Variants in N4BP2L2 observed in about 807,000 individuals in gnomAD.
The protein encoded by N4BP2L2 is NEDD4 binding protein 2 like 2.
N4BP2L2 carries 50 observed loss-of-function variants against 56.2 expected under a neutral mutation model. That is an observed-to-expected ratio of 0.89 (90% confidence interval 0.71 to 1.13). The LOEUF (loss-of-function observed/expected upper bound fraction) is 1.13. N4BP2L2 is among the 50% of genes most tolerant of loss of function. N4BP2L2 has a pLI of 0.00. For missense variants in N4BP2L2, 689 were observed against 693.8 expected (o/e 0.99, Z 0.08); for synonymous variants, 203 against 223.6 (o/e 0.91, Z 0.82).
chr13:32,449,096 T>C (rs190245983), intron 6 of N4BP2L2, among the ~76,000 whole-genome samples: 36 of 152,366 alleles, frequency 2.4e-4, no homozygotes, highest in Non-Finnish European at 4.7e-4. Flanking sequence ...CCATTGCCTC[T>C]GTACAATGAC....
chr13:32,503,482 T>C (rs1441446704), intron 6 of N4BP2L2, among the ~76,000 whole-genome samples: 2 of 152,136 alleles, frequency 1.3e-5, no homozygotes, highest in Non-Finnish European at 1.5e-5. Context: ...GTTCCCACCA[T>C]CTTCCCTTCA....
exon 6 of N4BP2L2, chr13:32,510,784 C>G (rs186970702): frequency 1.0e-3 from 155 of 152,256 alleles, no homozygotes; most frequent in African/African-American, 3.6e-3. Flanking sequence ...AGGCGTGAGC[C>G]ACTGCACCTG....
In N4BP2L2 at chr13:32,500,546, C is replaced by CAAA. The variant is rs1169575568; in HGVS notation, c.365+17308_365+17310dup. ...CTAGCCTGTAGAGATCCTGTCTCTA[C>CAAA]AAAAAAAAAAAAAAAAAAAAAAATA... On this transcript the variant is annotated intron_variant, in intron 6 of 9. Coordinates refer to the N4BP2L2 transcript ENST00000357505. Among the ~76,000 whole-genome samples the CAAA allele has an allele frequency of 9.1e-3, 472 of 52,114 alleles. 13 individuals are homozygous for CAAA. The highest frequency in any genetic ancestry group is 0.021 in the African/African-American group (413 of 20,014). 34.2% of individuals were successfully genotyped at this position (52,114 alleles called of 152,430 possible). A position where few individuals can be genotyped will look rare whatever the true frequency, so the allele number is the denominator to read the frequency against.
chr13:32,479,887 G>A (rs1566098284), intron 6 of N4BP2L2, among the ~76,000 whole-genome samples: 3 of 151,730 alleles, frequency 2.0e-5, no homozygotes, highest in East Asian at 1.9e-4. Context: ...AGGGAGAGAC[G>A]GAGAGAGAGA....
At chr13:32,511,875 CAAAG>C (rs996824903) in exon 6 of N4BP2L2, 1 of 151,456 alleles carries the variant, frequency 6.6e-6, no homozygotes, top group African/African-American at 2.4e-5. Context: ...AAAAGGAAAA[CAAAG>C]AACCCACAAT....
exon 6 of N4BP2L2, chr13:32,510,405 T>A (rs1221062432): frequency 6.6e-6 from 1 of 151,832 alleles, no homozygotes; most frequent in African/African-American, 2.4e-5. Flanking sequence ...AATAATTCAA[T>A]GGAAAAAAAT....
At chr13:32,444,082 T>C in exon 7 of N4BP2L2, 3 of 1,575,360 alleles carry the variant, frequency 1.9e-6, no homozygotes, top group Non-Finnish European at 1.7e-6. Context: ...CCTCTTCTGT[T>C]TGGTTTTGCT....
intron 6 of N4BP2L2, among the ~76,000 whole-genome samples, chr13:32,452,074 T>C (rs970733075): frequency 8.5e-5 from 12 of 141,082 alleles, no homozygotes; most frequent in African/African-American, 3.0e-4. Flanking sequence ...TTTTTTTTTT[T>C]TTTTGGGATG....
chr13:32,500,569 A>AAAAAAAAAAAAT (rs1555265131), intron 6 of N4BP2L2, among the ~76,000 whole-genome samples: 1 of 134,624 alleles, frequency 7.4e-6, no homozygotes, highest in Non-Finnish European at 1.6e-5. Context: ...AAAAAAAAAA[A>AAAAAAAAAAAAT]TAGCCAGGCA....
At position 32,537,216 on chromosome 13, in the gene N4BP2L2, T is replaced by C. The variant is rs543463237; in HGVS notation, c.1-189A>G. Among the ~76,000 whole-genome samples the C allele has an allele frequency of 2.0e-5, 3 of 152,082 alleles. 1 individual carries two copies. Among genetic ancestry groups the C allele is most frequent in the South Asian group, 4.1e-4 (2 of 4,822 alleles). ...AGTACAGTCACAACATGGTGGTTTA[T>C]GGGAGGGATCTCGTTGAATATCCTT... On this transcript the variant is annotated intron_variant, in intron 1 of 5. Transcript: ENST00000267068.
intron 6 of N4BP2L2, among the ~76,000 whole-genome samples, chr13:32,445,734 T>C (rs959930588): frequency 4.6e-5 from 7 of 152,210 alleles, no homozygotes; most frequent in African/African-American, 1.7e-4. Context: ...AAGCTAACCA[T>C]CCTGCAATGC....
exon 6 of N4BP2L2, chr13:32,512,130 C>T (rs944185184): frequency 2.6e-5 from 4 of 152,102 alleles, no homozygotes; most frequent in Non-Finnish European, 5.9e-5. Context: ...ATGGACTCTA[C>T]TAAAACACAA....
Position 32,503,172 on chromosome 13 carries a change from C to CAAAAAAAAAAA in N4BP2L2, c.365+14674_365+14684dup, listed in dbSNP as rs35773755. ...TAGGTGACAGAGCAAGACTCTGTAG[C>CAAAAAAAAAAA]AAAAAAAAAAAAAAAAAAAAAAAAA... On this transcript the variant is annotated intron_variant, in intron 6 of 9. Transcript: ENST00000357505. 8.6e-5 allele frequency among the ~76,000 whole-genome samples: 5 copies of CAAAAAAAAAAA among 57,994 alleles called. 1 individual carries two copies. The highest frequency in any genetic ancestry group is 2.4e-4 in the African/African-American group (4 of 16,346). The allele number at this position is 57,994 out of a possible 152,430, so 38.0% of individuals were successfully genotyped here.
At chr13:32,444,783 T>C (rs1483432538) in intron 6 of N4BP2L2, among the ~76,000 whole-genome samples, 2 of 152,260 alleles carry the variant, frequency 1.3e-5, no homozygotes, top group East Asian at 3.8e-4. Flanking sequence ...GGCAATTTCA[T>C]CACTGTGTTA....
chr13:32,473,601 C>T (rs147576729), intron 6 of N4BP2L2, among the ~76,000 whole-genome samples: 2 of 152,174 alleles, frequency 1.3e-5, no homozygotes, highest in African/African-American at 4.8e-5. Flanking sequence ...GGATTAAAAT[C>T]GAGGTTTCAG....
At chr13:32,440,600 T>C (rs2076168176) in intron 7 of N4BP2L2, among the ~76,000 whole-genome samples, 1 of 151,582 alleles carries the variant, frequency 6.6e-6, no homozygotes, top group Non-Finnish European at 1.5e-5. Flanking sequence ...CTAACTAGGT[T>C]TACAGGCATG....
At chr13:32,501,991 T>A (rs1314482418) in intron 6 of N4BP2L2, among the ~76,000 whole-genome samples, 1 of 151,978 alleles carries the variant, frequency 6.6e-6, no homozygotes, top group South Asian at 2.1e-4. Flanking sequence ...TCTATGCCAA[T>A]GAGGAATATA....
At chr13:32,517,980 C>G in exon 6 of N4BP2L2, 1 of 1,613,422 alleles carries the variant, frequency 6.2e-7, no homozygotes, top group Non-Finnish European at 8.5e-7. Flanking sequence ...AATCTTCTTT[C>G]GAGACACACC....
At chr13:32,440,307 G>A (rs1484871211) in intron 7 of N4BP2L2, among the ~76,000 whole-genome samples, 1 of 152,118 alleles carries the variant, frequency 6.6e-6, no homozygotes, top group Non-Finnish European at 1.5e-5. Flanking sequence ...TAGAACAACA[G>A]AAGATACAGG....
Sources: allele counts gnomAD v4.1 joint callset (sites outside exome capture counted in the v4.1 genomes callset), GRCh38; gene constraint gnomAD v4.1.1; transcripts MANE v1.5; gene names NCBI Gene and HGNC (gene_info 2026-07-23, HGNC 2026-07-21).